PCDHA9: variants seen among roughly 807,000 people sequenced by gnomAD.
PCDHA9 encodes protocadherin alpha 9, also known as protocadherin alpha-9.
A neutral mutation model predicts 62.0 loss-of-function variants in PCDHA9; 62 were observed. The observed-to-expected ratio is 1.00, with a 90% confidence interval of 0.81 to 1.23. PCDHA9 has a LOEUF of 1.23. Ranked by LOEUF, PCDHA9 falls within the 50% of genes most tolerant of loss-of-function variation. The pLI is 0.00. For missense variants in PCDHA9, 1,205 were observed against 1,249.8 expected, an observed-to-expected ratio of 0.96 and a Z score of 0.54; for synonymous variants, 557 against 567.6, an observed-to-expected ratio of 0.98 and a Z score of 0.27.
At chr5:140,953,996 T>C (rs989520486) in intron 1 of PCDHA9, among the ~76,000 whole-genome samples, 1 of 152,158 alleles carries the variant, frequency 6.6e-6, no homozygotes, top group African/African-American at 2.4e-5. Context: ...TCATGTGTAC[T>C]CATCATTCAG....
At position 140,966,633 on chromosome 5, in the gene PCDHA9, C is replaced by T. The variant is rs2096029445; in HGVS notation, c.2395-12316C>T. ...GGCCTACGGAGGGAGCGGCCCCAGG[C>T]GCTTTCTAGAGCGTGAGCGGTGGGG... On this transcript the variant is annotated intron_variant, in intron 1 of 3. Transcript: ENST00000532602. 9 of 1,005,684 alleles carry T rather than the reference C, an allele frequency of 8.9e-6. No homozygotes were observed. In the South Asian group the frequency reaches 1.6e-4, roughly 18 times the overall value. 62.3% of individuals were successfully genotyped at this position (1,005,684 alleles called of 1,614,324 possible).
chr5:140,927,536 G>A (rs1227240979), intron 1 of PCDHA9: 3 of 1,614,138 alleles, frequency 1.9e-6, no homozygotes, highest in Non-Finnish European at 2.5e-6. Context: ...GCCCGCTCAG[G>A]AGACGCACAA....
chr5:140,863,564 A>G (rs1426185409), intron 1 of PCDHA9: 3 of 374,440 alleles, frequency 8.0e-6, no homozygotes, highest in Non-Finnish European at 1.6e-5. Context: ...ATTTTTGAGA[A>G]TATAAGTACT....
At chr5:140,927,694 G>A in intron 1 of PCDHA9, 1 of 1,614,202 alleles carries the variant, frequency 6.2e-7, no homozygotes, top group Non-Finnish European at 8.5e-7. Context: ...CAATGGGGAA[G>A]TCCAGTACTC....
rs1282110712 is a variant in PCDHA9, at chr5:140,926,177, A to G, written c.2395-52772A>G. Among the ~76,000 whole-genome samples the G allele has an allele frequency of 2.0e-5, 3 of 151,672 alleles. No individual in the cohort carries two copies. The South Asian group carries it at 6.6e-4, about 34-fold the overall frequency. On this transcript the variant is annotated intron_variant, in intron 1 of 3. Coordinates refer to ENST00000532602, the MANE Select transcript of PCDHA9 (RefSeq NM_031857.2). ...CTCTGCAGCAGGATCCAGCGCGGAA[A>G]GCCCCCCGCAGCACTTCTTTCGGGG...
At chr5:141,006,993 T>A (rs1484865636) in intron 3 of PCDHA9, among the ~76,000 whole-genome samples, 5 of 152,290 alleles carry the variant, frequency 3.3e-5, no homozygotes, top group African/African-American at 4.8e-5. Flanking sequence ...GCTTAAAATA[T>A]AAGTCTGCAT....
At chr5:140,916,821 CT>C (rs1452400361) in intron 1 of PCDHA9, among the ~76,000 whole-genome samples, 3 of 152,170 alleles carry the variant, frequency 2.0e-5, no homozygotes, top group Non-Finnish European at 2.9e-5. Flanking sequence ...TGTGCCACCC[CT>C]ATCCCTCTGG....
chr5:140,863,228 C>A, intron 1 of PCDHA9: 1 of 1,183,022 alleles, frequency 8.5e-7, no homozygotes, highest in Non-Finnish European at 1.2e-6. Flanking sequence ...AGGAAGGTCC[C>A]ATCGCGGGCT....
chr5:140,954,442 G>C (rs2095039188), intron 1 of PCDHA9, among the ~76,000 whole-genome samples: 1 of 151,940 alleles, frequency 6.6e-6, no homozygotes, highest in South Asian at 2.1e-4. Flanking sequence ...GTTGTTTCTG[G>C]ACTTGTTAAT....
intron 1 of PCDHA9, chr5:140,966,544 G>C: frequency 2.1e-6 from 1 of 465,718 alleles, no homozygotes; most frequent in Non-Finnish European, 3.7e-6. Flanking sequence ...GCGACTCGGA[G>C]GCGAGCGGAG....
intron 1 of PCDHA9, chr5:140,969,495 C>A: frequency 7.0e-7 from 1 of 1,437,888 alleles, no homozygotes; most frequent in South Asian, 1.5e-5. Flanking sequence ...TATTTCCTCT[C>A]TAGAAAAATA....
intron 1 of PCDHA9, chr5:140,876,435 C>A (rs1380633697): frequency 1.9e-6 from 3 of 1,613,852 alleles, no homozygotes; most frequent in Non-Finnish European, 1.7e-6. Context: ...TTCAGGTTAA[C>A]GCCATTGATA....
intron 1 of PCDHA9, chr5:140,862,735 G>T: frequency 1.7e-6 from 1 of 574,782 alleles, no homozygotes. Flanking sequence ...GTCTAGCTAT[G>T]TGTGGGTGCA....
At position 140,850,002 on chromosome 5, in the gene PCDHA9, T is replaced by G. The variant is rs2150462762; in HGVS notation, c.1507T>G (p.Ser503Ala). The G allele has an allele frequency of 2.8e-5, 45 of 1,596,824 alleles. No homozygotes were observed. In the South Asian group the frequency reaches 3.6e-4, roughly 13 times the overall value. ...SLVERRLGERSLSSYVSVHAE... is the reference protein window; with the variant it reads ...SLVERRLGERALSSYVSVHAE... The stretch of plus-strand genomic sequence containing the variant: ...GGTGGAGCGGCGGTTGGGCGAGCGC[T>G]CGCTGTCGAGCTACGTGTCAGTGCA... Residue 503 changes from serine to alanine, a missense_variant, in exon 1 of 4, where the codon TCG (serine) becomes GCG (alanine). Physicochemically the swap from Ser to Ala is moderately conservative, Grantham distance 99. Coordinates refer to ENST00000532602, the MANE Select transcript of PCDHA9 (RefSeq NM_031857.2).
rs548585515 is a variant in PCDHA9 at position 140,853,706 on chromosome 5, G to A, written c.2394+2817G>A. 358 of 988,170 alleles carry A rather than the reference G, an allele frequency of 3.6e-4. 28 individuals are homozygous for A. The South Asian group carries it at 0.015, about 41-fold the overall frequency. The allele number at this position is 988,170 out of a possible 1,614,324, so 61.2% of individuals were successfully genotyped here. A position where few individuals can be genotyped will look rare whatever the true frequency, so the allele number is the denominator to read the frequency against. ...TATCCTTAGACCTGCTAACGCATTA[G>A]CATTAGCAGCACCTAAGTCCTCATT... On this transcript the variant is annotated intron_variant, in intron 1 of 3. Coordinates refer to ENST00000532602, the MANE Select transcript of PCDHA9 (RefSeq NM_031857.2).
At chr5:140,870,010 G>A in intron 1 of PCDHA9, 1 of 1,613,560 alleles carries the variant, frequency 6.2e-7, no homozygotes, top group Non-Finnish European at 8.5e-7. Context: ...AGAAGTGAGG[G>A]TCAATGGAAC....
rs1033698977 is a variant in PCDHA9 at position 140,868,958 on chromosome 5, T to A, written c.2394+18069T>A. ...TGGTCTGAACAGTGAGGCACTCCCA[T>A]ACAAAGGAACTCCATCATACCGGAT... On this transcript the variant is annotated intron_variant, in intron 1 of 3. Coordinates refer to ENST00000532602, the MANE Select transcript of PCDHA9 (RefSeq NM_031857.2). The A allele has an allele frequency of 4.3e-6, 6 of 1,397,388 alleles. No individual in the cohort carries two copies. The African/African-American group carries it at 8.6e-5, about 20-fold the overall frequency. The allele number at this position is 1,397,388 out of a possible 1,614,324, so 86.6% of individuals were successfully genotyped here.
intron 1 of PCDHA9, among the ~76,000 whole-genome samples, chr5:140,971,657 G>A (rs961666289): frequency 1.3e-5 from 2 of 151,992 alleles, no homozygotes; most frequent in African/African-American, 4.8e-5. Flanking sequence ...AAGTAGATGG[G>A]AATTAGAGAG....
chr5:140,929,138 G>C (rs150967804), intron 1 of PCDHA9: 183 of 1,614,054 alleles, frequency 1.1e-4, no homozygotes, highest in Non-Finnish European at 1.5e-4. Context: ...ACAGTTGAGA[G>C]ACTTTCTCAG....
Sources: gnomAD v4.1 joint callset for allele counts (sites outside exome capture counted in the v4.1 genomes callset) on GRCh38, gnomAD v4.1.1 for gene constraint, MANE v1.5 for transcripts, NCBI Gene and HGNC (gene_info 2026-07-23, HGNC 2026-07-21) for gene names.